The following LRP1B variants were observed in gnomAD, a reference collection of about 807,000 sequenced individuals.
LRP1B encodes the protein low-density lipoprotein receptor-related protein 1B.
In LRP1B, 217 loss-of-function variants were observed where a neutral mutation model predicts 556.6. The observed-to-expected ratio is 0.39, with a 90% confidence interval of 0.35 to 0.44. The LOEUF (loss-of-function observed/expected upper bound fraction) is 0.44, where lower values mean the gene tolerates loss of function less well. LRP1B is among the 20% of genes least tolerant of loss of function. LRP1B has a pLI of 1.00. For synonymous variants in LRP1B, 2,047 were observed against 1,865.8 expected (o/e 1.10, Z -2.50); for missense variants, 5,053 against 5,620.8 (o/e 0.90, Z 3.23).
intron 1 of LRP1B, among the ~76,000 whole-genome samples, chr2:141,904,745 G>C (rs961019078): frequency 2.7e-4 from 41 of 151,894 alleles, no homozygotes; most frequent in Non-Finnish European, 5.0e-4. Flanking sequence ...TTTGGTCAAG[G>C]CAACCTAGCA....
chr2:142,014,934 T>A (rs1028131397), intron 1 of LRP1B, among the ~76,000 whole-genome samples: 1 of 152,092 alleles, frequency 6.6e-6, no homozygotes, highest in African/African-American at 2.4e-5. Context: ...TAAAGATAAA[T>A]ACAAACATAA....
At chr2:141,026,800 A>G (rs911279868) in intron 11 of LRP1B, among the ~76,000 whole-genome samples, 3 of 152,152 alleles carry the variant, frequency 2.0e-5, no homozygotes, top group Non-Finnish European at 4.4e-5. Context: ...GCAAAGTCAT[A>G]ATAAAATTAG....
chr2:140,752,932 A>T (rs568867375), intron 35 of LRP1B, among the ~76,000 whole-genome samples: 152 of 152,294 alleles, frequency 1.0e-3, no homozygotes, highest in African/African-American at 3.4e-3. Flanking sequence ...GGTGTTGTAC[A>T]TTCTTTGTGT....
rs1372066949 is a variant in LRP1B at position 140,994,104 on chromosome 2, A to G, written c.2535T>C (p.Cys845=). The G allele has an allele frequency of 5.0e-6, 8 of 1,612,652 alleles. No homozygotes were observed. The highest frequency in any genetic ancestry group is 1.3e-5 in the African/African-American group (1 of 74,924). ...FNPGEALPHI[C]KAGEFRCKNR... ...TTTTGCAGCGAAACTCTCCAGCTTT[A>G]CATATGTGAGGTAGTGCTTCTCCAG... is the stretch of plus-strand genomic sequence containing the variant. The change falls in exon 16 of 91, where the codon TGT becomes TGC. Residue 845 remains cysteine (C), a synonymous_variant. Transcript: ENST00000389484.
chr2:140,337,035 G>A (rs1490976099), intron 77 of LRP1B, among the ~76,000 whole-genome samples: 1 of 151,832 alleles, frequency 6.6e-6, no homozygotes, highest in Non-Finnish European at 1.5e-5. Context: ...GTCTTCTTGT[G>A]TGGGTTCGGA....
chr2:141,046,014 T>C (rs1407467955), intron 11 of LRP1B, among the ~76,000 whole-genome samples: 3 of 152,092 alleles, frequency 2.0e-5, no homozygotes, highest in Non-Finnish European at 4.4e-5. Flanking sequence ...ACCCATGAGA[T>C]TCCTCAAAGC....
chr2:140,659,726 A>G (rs1051295286), intron 41 of LRP1B, among the ~76,000 whole-genome samples: 13 of 152,110 alleles, frequency 8.5e-5, no homozygotes, highest in Admixed American at 2.0e-4. Context: ...CAAATATAAA[A>G]CGATACAATT....
chr2:141,531,239 C>T (rs1236532204), intron 2 of LRP1B, among the ~76,000 whole-genome samples: 1 of 151,906 alleles, frequency 6.6e-6, no homozygotes, highest in Non-Finnish European at 1.5e-5. Context: ...AAGTCATTTC[C>T]TAGTGCAAAA....
At chr2:141,934,530 A>C (rs1191380973) in intron 1 of LRP1B, among the ~76,000 whole-genome samples, 1 of 152,136 alleles carries the variant, frequency 6.6e-6, no homozygotes, top group African/African-American at 2.4e-5. Flanking sequence ...ATTCAGAGCA[A>C]AATAATTCAG....
At chr2:140,297,516 T>C (rs1229749839) in intron 84 of LRP1B, among the ~76,000 whole-genome samples, 1 of 152,010 alleles carries the variant, frequency 6.6e-6, no homozygotes, top group Non-Finnish European at 1.5e-5. Context: ...TTAACTATGG[T>C]TATGATTTGC....
chr2:141,930,676 C>A (rs1213780927), intron 1 of LRP1B, among the ~76,000 whole-genome samples: 1 of 151,926 alleles, frequency 6.6e-6, no homozygotes, highest in African/African-American at 2.4e-5. Context: ...GAGATTTAGA[C>A]CAATTTGGCT....
At chr2:140,828,138 C>CA (rs545843984) in intron 31 of LRP1B, among the ~76,000 whole-genome samples, 385 of 151,240 alleles carry the variant, frequency 2.5e-3, no homozygotes, top group Non-Finnish European at 2.1e-3. Flanking sequence ...CTTCAATATG[C>CA]AAAAAAAAGA....
At position 140,485,543 on chromosome 2, in the gene LRP1B, A is replaced by C. The variant is rs199844176; in HGVS notation, c.9244-19T>G. The stretch of plus-strand genomic sequence containing the variant: ...GAACTACCTACAAAACAAGAATTTA[A>C]AAGGTTAACAGCGTAAATCCCTAAA... On this transcript the variant is annotated intron_variant, in intron 58 of 90. Transcript: ENST00000389484. The C allele has an allele frequency of 1.9e-6, 3 of 1,595,794 alleles. No individual in the cohort carries two copies. The African/African-American group carries it at 4.0e-5, about 21-fold the overall frequency.
chr2:141,515,574 ATT>A (rs1684283383), intron 2 of LRP1B, among the ~76,000 whole-genome samples: 1 of 151,184 alleles, frequency 6.6e-6, no homozygotes, highest in Non-Finnish European at 1.5e-5. Flanking sequence ...CAATAAGAAA[ATT>A]GACATTTCTC....
At chr2:140,409,701 A>G (rs1684891251) in intron 66 of LRP1B, among the ~76,000 whole-genome samples, 1 of 152,064 alleles carries the variant, frequency 6.6e-6, no homozygotes, top group African/African-American at 2.4e-5. Flanking sequence ...TCAATATGGA[A>G]AGTATATTGA....
intron 6 of LRP1B, among the ~76,000 whole-genome samples, chr2:141,192,118 TTCC>T (rs1681541848): frequency 6.6e-6 from 1 of 151,910 alleles, no homozygotes; most frequent in Admixed American, 6.6e-5. Flanking sequence ...ATTGGCTTTG[TTCC>T]TCATTTTATA....
chr2:140,518,171 A>G (rs551962995), intron 49 of LRP1B, among the ~76,000 whole-genome samples: 4 of 152,270 alleles, frequency 2.6e-5, no homozygotes, highest in African/African-American at 7.2e-5. Flanking sequence ...CAAAAATTGT[A>G]GGCATTTTAT....
At chr2:141,932,867 A>G (rs193086944) in intron 1 of LRP1B, among the ~76,000 whole-genome samples, 1 of 152,160 alleles carries the variant, frequency 6.6e-6, no homozygotes, top group East Asian at 1.9e-4. Flanking sequence ...TAAAAATGAT[A>G]GTGTTTTTAC....
chr2:140,785,344 A>G (rs992595001), intron 32 of LRP1B, among the ~76,000 whole-genome samples: 3 of 152,160 alleles, frequency 2.0e-5, no homozygotes, highest in African/African-American at 4.8e-5. Flanking sequence ...GGAAATTGAG[A>G]GAGAGGCAAA....
Sources: gnomAD v4.1 joint callset for allele counts (sites outside exome capture counted in the v4.1 genomes callset) on GRCh38, gnomAD v4.1.1 for gene constraint, MANE v1.5 for transcripts, NCBI Gene and HGNC (gene_info 2026-07-23, HGNC 2026-07-21) for gene names.